NIPBL: variants seen among roughly 807,000 people sequenced by gnomAD.
The protein encoded by NIPBL is NIPBL cohesin loading factor.
Under a neutral mutation model 321.8 loss-of-function variants are expected in NIPBL, and 19 were observed. That is an observed-to-expected ratio of 0.06 (90% CI 0.04 to 0.09). The LOEUF is 0.09. NIPBL is among the 10% of genes least tolerant of loss of function. NIPBL has a pLI of 1.00. For synonymous variants in NIPBL, 1,106 were observed against 1,114.1 expected (o/e 0.99, Z 0.14); for missense variants, 2,210 against 3,327.0 (o/e 0.66, Z 8.26).
At chr5:37,005,765 G>A (rs1747355586) in intron 16 of NIPBL, among the ~76,000 whole-genome samples, 1 of 152,138 alleles carries the variant, frequency 6.6e-6, no homozygotes, top group Non-Finnish European at 1.5e-5. Flanking sequence ...AATTTGCAAT[G>A]TCAAGTTGCT....
intron 1 of NIPBL, among the ~76,000 whole-genome samples, chr5:36,918,830 T>C (rs956930647): frequency 2.0e-5 from 3 of 152,228 alleles, no homozygotes; most frequent in Non-Finnish European, 4.4e-5. Context: ...ATTACGTTTA[T>C]TGATTTTTGT....
intron 16 of NIPBL, 38 bp from the exon 17 acceptor site, chr5:37,006,317 ATG>A (rs1747424124): frequency 9.4e-7 from 1 of 1,069,430 alleles, no homozygotes; most frequent in South Asian, 1.3e-5. Flanking sequence ...AAACCTATAA[ATG>A]TGTTTATTTC....
chr5:36,979,605 A>G (rs1156359590), intron 9 of NIPBL, among the ~76,000 whole-genome samples: 3 of 151,698 alleles, frequency 2.0e-5, no homozygotes, highest in Admixed American at 1.3e-4. Flanking sequence ...TGCTCTGGGT[A>G]GGACTTCTGG....
chr5:36,956,884 CA>C (rs1741026822), intron 3 of NIPBL, among the ~76,000 whole-genome samples: 1 of 152,004 alleles, frequency 6.6e-6, no homozygotes, highest in Admixed American at 6.6e-5. Flanking sequence ...CTCGGCCTCC[CA>C]AAGTGCTAGG....
chr5:36,927,195 A>G (rs1749431159), intron 1 of NIPBL, among the ~76,000 whole-genome samples: 1 of 152,192 alleles, frequency 6.6e-6, no homozygotes, highest in Non-Finnish European at 1.5e-5. Context: ...ACTCCATTTC[A>G]TTTAATGTTA....
At chr5:37,011,789 C>T (rs1748155724) in intron 21 of NIPBL, among the ~76,000 whole-genome samples, 1 of 151,780 alleles carries the variant, frequency 6.6e-6, no homozygotes, top group South Asian at 2.1e-4. Flanking sequence ...TTTTTTCACT[C>T]AACATCGCTT....
At chr5:36,899,952 C>T (rs1356031025) in intron 1 of NIPBL, among the ~76,000 whole-genome samples, 1 of 152,136 alleles carries the variant, frequency 6.6e-6, no homozygotes, top group Non-Finnish European at 1.5e-5. Context: ...AAGTATTTTT[C>T]TGTTCCTTCC....
At position 36,996,367 on chromosome 5, in the gene NIPBL, T is replaced by C. The variant is rs977612898; in HGVS notation, c.3304+563T>C. 5 of 455,688 alleles carry C rather than the reference T, an allele frequency of 1.1e-5. No individual in the cohort carries two copies. Among genetic ancestry groups the C allele is most frequent in the Non-Finnish European group, 1.8e-5 (4 of 226,518 alleles). 28.2% of individuals were successfully genotyped at this position (455,688 alleles called of 1,614,324 possible). Reference sequence around the variant, plus strand: ...TTAAAACCATACTATCACTAAATTATGAATGGATTAGCCACATTGCAGATT... The same window carrying C: ...TTAAAACCATACTATCACTAAATTACGAATGGATTAGCCACATTGCAGATT... On this transcript the variant is annotated intron_variant, in intron 11 of 46. Coordinates refer to ENST00000282516, the MANE Select transcript of NIPBL (RefSeq NM_133433.4). The surrounding 1 kb of genome is among the most constrained non-coding windows in gnomAD (Gnocchi z 5.0).
At chr5:36,968,223 G>A (rs538567691) in intron 6 of NIPBL, among the ~76,000 whole-genome samples, 2 of 152,114 alleles carry the variant, frequency 1.3e-5, no homozygotes, top group South Asian at 4.1e-4. Context: ...TGGGCCTGGG[G>A]TCCTGTGAGC....
At chr5:36,990,852 A>G (rs1561125351) in intron 10 of NIPBL, among the ~76,000 whole-genome samples, 1 of 152,166 alleles carries the variant, frequency 6.6e-6, no homozygotes, top group Non-Finnish European at 1.5e-5. Flanking sequence ...GCCCAAAGAC[A>G]TAGTTTCTAT....
At position 37,019,879 on chromosome 5, in the gene NIPBL, A is replaced by G. The variant is rs141886428; in HGVS notation, c.5010+479A>G. The stretch of plus-strand genomic sequence containing the variant: ...AAACTATTATTTGAGAACATTATAC[A>G]TAGAGATATTTTATTTTATTTTTTA... On this transcript the variant is annotated intron_variant, in intron 25 of 46. Transcript: ENST00000282516. Among the ~76,000 whole-genome samples, 229 of 152,366 alleles carry G rather than the reference A, an allele frequency of 1.5e-3. 1 individual carries two copies. Among genetic ancestry groups the G allele is most frequent in the African/African-American group, 5.1e-3 (211 of 41,592 alleles).
At chr5:36,995,378 C>G in intron 10 of NIPBL, 1 of 347,908 alleles carries the variant, frequency 2.9e-6, no homozygotes, top group South Asian at 5.1e-5. Flanking sequence ...ATATAATTAC[C>G]CTTCATTTTT....
chr5:37,009,614 C>T (rs1747864426), intron 20 of NIPBL, among the ~76,000 whole-genome samples: 1 of 152,024 alleles, frequency 6.6e-6, no homozygotes, highest in Admixed American at 6.6e-5. Context: ...TTTACAATAT[C>T]TATAGAACAA....
chr5:36,904,936 TAGG>T (rs1747514045), intron 1 of NIPBL, among the ~76,000 whole-genome samples: 1 of 152,096 alleles, frequency 6.6e-6, no homozygotes, highest in African/African-American at 2.4e-5. Context: ...AAACACACAA[TAGG>T]AGGGAATTAC....
chr5:36,998,790 A>C (rs983536193), intron 11 of NIPBL, among the ~76,000 whole-genome samples: 17 of 152,134 alleles, frequency 1.1e-4, no homozygotes, highest in Admixed American at 7.9e-4. Context: ...ACATACACAC[A>C]CCCTACTTAT....
At chr5:36,977,415 G>A (rs1447648242) in intron 9 of NIPBL, among the ~76,000 whole-genome samples, 1 of 151,632 alleles carries the variant, frequency 6.6e-6, no homozygotes, top group Non-Finnish European at 1.5e-5. Context: ...ACATGCTGAA[G>A]ATTAGTATTA....
chr5:37,002,848 A>T, intron 15 of NIPBL, 83 bp downstream of exon 15: 1 of 830,672 alleles, frequency 1.2e-6, no homozygotes, highest in Non-Finnish European at 2.0e-6. Flanking sequence ...AAATTATAAA[A>T]TTTATGTAAA....
intron 4 of NIPBL, 49 bp downstream of exon 4, chr5:36,958,280 A>G (rs1301044490): frequency 4.4e-6 from 7 of 1,590,312 alleles, no homozygotes; most frequent in Admixed American, 3.3e-5. Context: ...TTTTATACAT[A>G]TTTAAATCCA....
chr5:37,063,175 T>C lies in NIPBL; in HGVS notation c.7861-615T>C, dbSNP rs1306057372. On this transcript the variant is annotated intron_variant, in intron 45 of 46. Transcript: ENST00000282516. ...CCAACATTGCAAAACCCCATTTCTA[T>C]TTTTCTTAAAAAAATTTTTAAAAAT... 6.6e-5 allele frequency among the ~76,000 whole-genome samples: 10 copies of C among 152,226 alleles called. No individual in the cohort carries two copies. In the East Asian group the frequency reaches 1.9e-3, roughly 29 times the overall value.
Sources: gnomAD v4.1 joint callset for allele counts (sites outside exome capture counted in the v4.1 genomes callset) on GRCh38, gnomAD v4.1.1 for gene constraint, Gnocchi (gnomAD v3.1) non-coding constraint, MANE v1.5 for transcripts, NCBI Gene and HGNC (gene_info 2026-07-23, HGNC 2026-07-21) for gene names.